Variants in FIGN observed in about 807,000 individuals in gnomAD.
FIGN encodes fidgetin, microtubule severing factor, also known as fidgetin.
Under a neutral mutation model 51.3 loss-of-function variants are expected in FIGN, and 11 were observed. The ratio of observed to expected loss-of-function variants is 0.21; its 90% CI spans 0.13 to 0.35. The LOEUF (loss-of-function observed/expected upper bound fraction) is 0.35. FIGN is among the 10% of genes least tolerant of loss of function. The probability of loss-of-function intolerance (pLI) is 1.00; values close to 1 mark genes in which losing one functional copy is unlikely to be tolerated. For missense variants in FIGN, 857 were observed against 943.6 expected, an observed-to-expected ratio of 0.91 and a Z score of 1.20; for synonymous variants, 407 against 363.2, an observed-to-expected ratio of 1.12 and a Z score of -1.37.
intron 2 of FIGN, among the ~76,000 whole-genome samples, chr2:163,714,480 T>C (rs773123760): frequency 6.6e-5 from 10 of 152,212 alleles, no homozygotes; most frequent in Non-Finnish European, 1.2e-4. Context: ...CATATGTCCA[T>C]GAATTCCACT....
chr2:163,624,028 T>C (rs984778981), intron 2 of FIGN, among the ~76,000 whole-genome samples: 3 of 150,592 alleles, frequency 2.0e-5, no homozygotes, highest in African/African-American at 7.3e-5. Flanking sequence ...TTAACAGGTT[T>C]TTTTTTTCTA....
intron 2 of FIGN, among the ~76,000 whole-genome samples, chr2:163,664,054 C>T (rs1310894449): frequency 6.6e-6 from 1 of 152,046 alleles, no homozygotes; most frequent in Non-Finnish European, 1.5e-5. Context: ...CTATACTCAT[C>T]CTGAAAATGG....
At chr2:163,735,161 G>T in intron 1 of FIGN, 89 bp from the exon 2 acceptor site, 1 of 519,372 alleles carries the variant, frequency 1.9e-6, no homozygotes, top group South Asian at 2.5e-5. Flanking sequence ...AAAAGCACAT[G>T]ACCAGGAATG....
chr2:163,688,555 C>T (rs181165131), intron 2 of FIGN, among the ~76,000 whole-genome samples: 17 of 152,094 alleles, frequency 1.1e-4, no homozygotes, highest in African/African-American at 4.1e-4. Flanking sequence ...AAAAAGAAAT[C>T]GCTGTTTAGA....
At chr2:163,702,750 T>C (rs1303805843) in intron 2 of FIGN, among the ~76,000 whole-genome samples, 14 of 152,184 alleles carry the variant, frequency 9.2e-5, no homozygotes, top group African/African-American at 2.9e-4. Flanking sequence ...GCTATTTTTA[T>C]TACATTTTAA....
At chr2:163,628,312 G>A (rs1190200897) in intron 2 of FIGN, among the ~76,000 whole-genome samples, 1 of 152,186 alleles carries the variant, frequency 6.6e-6, no homozygotes, top group African/African-American at 2.4e-5. Flanking sequence ...TCCTCATTTA[G>A]AATAGAGAGA....
At chr2:163,622,034 C>G (rs1014810793) in intron 2 of FIGN, among the ~76,000 whole-genome samples, 1 of 152,116 alleles carries the variant, frequency 6.6e-6, no homozygotes, top group African/African-American at 2.4e-5. Context: ...CTGATCCAGT[C>G]CTGTGTGTAT....
At position 163,630,155 on chromosome 2, in the gene FIGN, G is replaced by A. The variant is rs540459356; in HGVS notation, c.26-18349C>T. Among the ~76,000 whole-genome samples the A allele has an allele frequency of 4.6e-5, 7 of 151,042 alleles. No individual in the cohort carries two copies. The South Asian group carries it at 1.1e-3, about 23-fold the overall frequency. On this transcript the variant is annotated intron_variant, in intron 2 of 2. Transcript: ENST00000333129. Reference sequence around the variant, plus strand: ...AAACTTTTTTATTTTTTGTAGAAACGAGGTGTCATGATATTGCCCAGATTG... The same window carrying A: ...AAACTTTTTTATTTTTTGTAGAAACAAGGTGTCATGATATTGCCCAGATTG...
chr2:163,609,277 C>T lies in FIGN; in HGVS notation c.*275G>A, dbSNP rs1048952718. On this transcript the variant is annotated 3_prime_UTR_variant, in exon 3 of 3. Coordinates refer to ENST00000333129, the MANE Select transcript of FIGN (RefSeq NM_018086.4). ...GGTTCATGTCCTTCTGAAATCAACACACTTGCACCTTGCTCCTTGGTGAGT... is the reference window on the plus strand; with the variant it reads ...GGTTCATGTCCTTCTGAAATCAACATACTTGCACCTTGCTCCTTGGTGAGT... 1 of 411,858 alleles carries T rather than the reference C, an allele frequency of 2.4e-6. No homozygotes were observed. Among genetic ancestry groups the T allele is most frequent in the African/African-American group, 2.0e-5 (1 of 49,842 alleles). 25.5% of individuals were successfully genotyped at this position (411,858 alleles called of 1,614,324 possible).
chr2:163,660,825 ATATG>A (rs1683653060), intron 2 of FIGN, among the ~76,000 whole-genome samples: 1 of 51,272 alleles, frequency 2.0e-5, no homozygotes, highest in Non-Finnish European at 3.8e-5. Flanking sequence ...ATATACATAT[ATATG>A]TATACATATA....
intron 2 of FIGN, among the ~76,000 whole-genome samples, chr2:163,612,740 A>G (rs1402152322): frequency 6.9e-6 from 1 of 145,234 alleles, no homozygotes; most frequent in Non-Finnish European, 1.5e-5. Context: ...ATCCTGTCTT[A>G]TACATCTTCA....
intron 2 of FIGN, among the ~76,000 whole-genome samples, chr2:163,712,122 A>C (rs979787581): frequency 6.6e-6 from 1 of 152,192 alleles, no homozygotes; most frequent in Admixed American, 6.5e-5. Flanking sequence ...TGGATGTGAC[A>C]CTTGTAAAGG....
rs3833554 is a variant in FIGN at position 163,609,529 on chromosome 2, A to AT, written c.*22dup. The AT allele has an allele frequency of 1.3e-3, 1,994 of 1,480,526 alleles. No homozygotes were observed. Among genetic ancestry groups the AT allele is most frequent in the African/African-American group, 2.7e-3 (186 of 69,800 alleles). 91.7% of individuals were successfully genotyped at this position (1,480,526 alleles called of 1,614,324 possible). On this transcript the variant is annotated 3_prime_UTR_variant, in exon 3 of 3. Transcript: ENST00000333129. The stretch of plus-strand genomic sequence containing the variant: ...ATGTGTGTGTGCCAACATTCATTAC[A>AT]TTTTTTTTTTCTAAAGAAGTTATCA...
chr2:163,677,765 A>G lies in FIGN; in HGVS notation c.25+57138T>C, dbSNP rs1683994574. On this transcript the variant is annotated intron_variant, in intron 2 of 2. Transcript: ENST00000333129. The stretch of plus-strand genomic sequence containing the variant: ...AAGCCTTTTGAAACAATTTTCAGAA[A>G]GCCTGACACTGTTGTCTTTGTTGAG... Among the ~76,000 whole-genome samples the G allele has an allele frequency of 2.0e-5, 3 of 152,226 alleles. No homozygotes were observed. In the South Asian group the frequency reaches 6.2e-4, roughly 32 times the overall value.
At chr2:163,692,624 G>A (rs1328200410) in intron 2 of FIGN, among the ~76,000 whole-genome samples, 1 of 152,164 alleles carries the variant, frequency 6.6e-6, no homozygotes. Context: ...ATTCCTGAAA[G>A]GTAATAGAGG....
In FIGN at chr2:163,734,974, G is replaced by A. The variant is rs932387168; in HGVS notation, c.-47C>T. 1.9e-6 allele frequency: 3 copies of A among 1,605,582 alleles called. No homozygotes were observed. Among genetic ancestry groups the A allele is most frequent in the Non-Finnish European group, 2.6e-6 (3 of 1,175,848 alleles). ...GCTGAATTGGATTTCTCACAAGCAG[G>A]AATTCCAAAGGTTGCTTTTCATTAA... On this transcript the variant is annotated 5_prime_UTR_variant, in exon 2 of 3. Transcript: ENST00000333129.
rs767702080 is a variant in FIGN at position 163,609,570 on chromosome 2, C to T, written c.2262G>A (p.Met754Ile). ...GAAGTTATCACTGACTGCAACCAAACATTTTGTTCCATTCAACATACATAT... is the reference window on the plus strand; with the variant it reads ...GAAGTTATCACTGACTGCAACCAAATATTTTGTTCCATTCAACATACATAT... Reference protein sequence around the residue: ...ELDMYVEWNKMFGCSQ With the variant: ...ELDMYVEWNKIFGCSQ Residue 754 changes from methionine to isoleucine, a missense_variant, in exon 3 of 3, where the codon ATG becomes ATA. Met to Ile is a conservative substitution (Grantham distance 10). Transcript: ENST00000333129. 3.7e-6 allele frequency: 6 copies of T among 1,608,328 alleles called. No homozygotes were observed. In the African/African-American group the frequency reaches 6.7e-5, roughly 18 times the overall value.
chr2:163,733,942 CAAAAAAA>C (rs36027114), intron 2 of FIGN, among the ~76,000 whole-genome samples: 5 of 100,156 alleles, frequency 5.0e-5, no homozygotes, highest in Non-Finnish European at 8.0e-5. Context: ...TAGCAACAAC[CAAAAAAA>C]AAAAAAAAAA....
intron 2 of FIGN, among the ~76,000 whole-genome samples, chr2:163,691,411 A>G (rs1684237580): frequency 6.6e-6 from 1 of 152,170 alleles, no homozygotes; most frequent in African/African-American, 2.4e-5. Context: ...ACGAGGAACA[A>G]TCTTGCTACC....
Sources: gnomAD v4.1 joint callset for allele counts (sites outside exome capture counted in the v4.1 genomes callset) on GRCh38, gnomAD v4.1.1 for gene constraint, MANE v1.5 for transcripts, NCBI Gene and HGNC (gene_info 2026-07-23, HGNC 2026-07-21) for gene names.